The following BCAS3 variants were observed in gnomAD, a reference collection of about 807,000 sequenced individuals.
The protein encoded by BCAS3 is BCAS4/BCAS3 fusion.
Under a neutral mutation model 116.1 loss-of-function variants are expected in BCAS3, and 53 were observed. The observed-to-expected ratio is 0.46, with a 90% CI of 0.37 to 0.57. The LOEUF is 0.57. BCAS3 is among the 20% of genes least tolerant of loss of function. The probability of loss-of-function intolerance (pLI) is 0.00; values close to 1 mark genes in which losing one functional copy is unlikely to be tolerated. For missense variants in BCAS3, 917 were observed against 1,165.4 expected (o/e 0.79, Z 3.10); for synonymous variants, 391 against 408.2 (o/e 0.96, Z 0.51).
intron 22 of BCAS3, among the ~76,000 whole-genome samples, chr17:61,266,062 AT>A (rs1198197900): frequency 6.6e-6 from 1 of 152,216 alleles, no homozygotes; most frequent in Non-Finnish European, 1.5e-5. Flanking sequence ...AGGGTCAGTT[AT>A]TCCAAGGGGG....
At chr17:60,695,403 C>T (rs540428675) in intron 4 of BCAS3, among the ~76,000 whole-genome samples, 29 of 152,268 alleles carry the variant, frequency 1.9e-4, no homozygotes, top group Admixed American at 3.3e-4. Context: ...TGAGCCACCG[C>T]GCCCAGCCCT....
At chr17:61,052,767 G>A (rs1206482902) in intron 19 of BCAS3, among the ~76,000 whole-genome samples, 1 of 140,998 alleles carries the variant, frequency 7.1e-6, no homozygotes, top group Non-Finnish European at 1.5e-5. Context: ...TGCCCAGGCT[G>A]GAGTGTAGTG....
chr17:61,366,147 A>C lies in BCAS3; in HGVS notation c.2426-2180A>C, dbSNP rs1379123463. Among the ~76,000 whole-genome samples the C allele has an allele frequency of 6.6e-6, 1 of 152,102 alleles. No individual in the cohort carries two copies. The highest frequency in any genetic ancestry group is 1.5e-5 in the Non-Finnish European group (1 of 68,018). ...GACAGAGTGAGACTGTCTCAAAAAA[A>C]AAAAAAAAAGTTGAGCCAACAGGGA... On this transcript the variant is annotated intron_variant, in intron 22 of 23. Coordinates refer to ENST00000407086, the MANE Select transcript of BCAS3 (RefSeq NM_017679.5). This position sits in a 1 kb window ranked among gnomAD's most constrained non-coding sequence, Gnocchi z 4.5.
intron 6 of BCAS3, among the ~76,000 whole-genome samples, chr17:60,763,659 T>A (rs1363500328): frequency 6.6e-6 from 1 of 152,292 alleles, no homozygotes; most frequent in Non-Finnish European, 1.5e-5. Flanking sequence ...AAAATTCTCT[T>A]TTTTTGTTGT....
chr17:60,948,097 T>C (rs1231543686), intron 14 of BCAS3, among the ~76,000 whole-genome samples: 1 of 151,852 alleles, frequency 6.6e-6, no homozygotes, highest in African/African-American at 2.4e-5. Flanking sequence ...AATTTTTAAT[T>C]TTTATTTATT....
intron 4 of BCAS3, among the ~76,000 whole-genome samples, chr17:60,700,797 A>G (rs1215206111): frequency 1.3e-5 from 2 of 152,294 alleles, no homozygotes; most frequent in East Asian, 1.9e-4. Context: ...AAAATTATCT[A>G]TTGGATTGAA....
At chr17:60,836,075 A>C (rs540150780) in intron 7 of BCAS3, among the ~76,000 whole-genome samples, 2 of 152,284 alleles carry the variant, frequency 1.3e-5, no homozygotes, top group South Asian at 4.1e-4. Context: ...GAAGATACAG[A>C]AAGTTCCCAC....
intron 7 of BCAS3, among the ~76,000 whole-genome samples, chr17:60,855,452 ATT>A (rs565603643): frequency 1.3e-4 from 16 of 125,708 alleles, no homozygotes; most frequent in Admixed American, 1.6e-4. Context: ...CTATTTTTAA[ATT>A]TTTTTTTTTT....
chr17:61,294,919 A>G (rs1354941445), intron 22 of BCAS3, among the ~76,000 whole-genome samples: 1 of 152,206 alleles, frequency 6.6e-6, no homozygotes, highest in Non-Finnish European at 1.5e-5. Flanking sequence ...TGGTGCCTTC[A>G]GTATGACAGG....
chr17:61,039,149 C>T (rs909262108), intron 18 of BCAS3, among the ~76,000 whole-genome samples: 1 of 152,150 alleles, frequency 6.6e-6, no homozygotes, highest in African/African-American at 2.4e-5. Context: ...TACTTTCTTT[C>T]TCTATGGATT....
intron 22 of BCAS3, among the ~76,000 whole-genome samples, chr17:61,305,421 G>A (rs2053775835): frequency 1.3e-5 from 2 of 152,184 alleles, no homozygotes; most frequent in South Asian, 2.1e-4. Context: ...TGAAAGATTG[G>A]TCAGCCTGGG....
intron 15 of BCAS3, among the ~76,000 whole-genome samples, chr17:61,010,760 G>A (rs1017798304): frequency 6.6e-6 from 1 of 151,912 alleles, no homozygotes; most frequent in Non-Finnish European, 1.5e-5. Context: ...TGGAACTCGG[G>A]ATTTCTTTCC....
chr17:60,699,142 A>G (rs2036043899), intron 4 of BCAS3, among the ~76,000 whole-genome samples: 1 of 152,204 alleles, frequency 6.6e-6, no homozygotes, highest in African/African-American at 2.4e-5. Context: ...AACAGAATTG[A>G]TATGTCAGAT....
rs201007830 is a variant in BCAS3 at position 61,332,762 on chromosome 17, T to C, written c.2426-35565T>C. Among the ~76,000 whole-genome samples the C allele has an allele frequency of 2.7e-4, 41 of 152,228 alleles. No homozygotes were observed. The South Asian group carries it at 7.1e-3, about 26-fold the overall frequency. On this transcript the variant is annotated intron_variant, in intron 22 of 23. Transcript: ENST00000407086. The surrounding 1 kb of genome is among the most constrained non-coding windows in gnomAD (Gnocchi z 5.4). Reference sequence around the variant, plus strand: ...TCCTGAATAGCTGGGATTATAGGCGTCTGCCACCACGCCTGGCTAATTTTT... The same window carrying C: ...TCCTGAATAGCTGGGATTATAGGCGCCTGCCACCACGCCTGGCTAATTTTT...
chr17:61,010,270 C>T (rs1472655326), intron 15 of BCAS3, among the ~76,000 whole-genome samples: 1 of 151,826 alleles, frequency 6.6e-6, no homozygotes, highest in East Asian at 1.9e-4. Context: ...TCTGGGAAAA[C>T]ATAATTTAGG....
At position 61,130,608 on chromosome 17, in the gene BCAS3, C is replaced by T. The variant is rs1056435439; in HGVS notation, c.2425+46044C>T. The T allele has an allele frequency of 6.6e-6, 1 of 152,206 alleles. No homozygotes were observed. Among genetic ancestry groups the T allele is most frequent in the African/African-American group, 2.4e-5 (1 of 41,442 alleles). The allele number at this position is 152,206 out of a possible 1,614,324, so 9.4% of individuals were successfully genotyped here. A position where few individuals can be genotyped will look rare whatever the true frequency, so the allele number is the denominator to read the frequency against. On this transcript the variant is annotated intron_variant, in intron 22 of 23. Coordinates refer to ENST00000407086, the MANE Select transcript of BCAS3 (RefSeq NM_017679.5). This position sits in a 1 kb window ranked among gnomAD's most constrained non-coding sequence, Gnocchi z 5.0. ...ATCTTCAGTTGTATCCCATTTTACA[C>T]CAGGAAGTTCAAATGTTTGAATGGA...
rs1273609299 is a variant in BCAS3 at position 61,144,042 on chromosome 17, T to C, written c.2425+59478T>C. Reference sequence around the variant, plus strand: ...AAATTACATTTTAGGCAAGTAATGCTCAAATTTTCTATAAGTGTTCTGAAA... The same window carrying C: ...AAATTACATTTTAGGCAAGTAATGCCCAAATTTTCTATAAGTGTTCTGAAA... On this transcript the variant is annotated intron_variant, in intron 22 of 23. Coordinates refer to ENST00000407086, the MANE Select transcript of BCAS3 (RefSeq NM_017679.5). This position sits in a 1 kb window ranked among gnomAD's most constrained non-coding sequence, Gnocchi z 5.0. 6.6e-6 allele frequency among the ~76,000 whole-genome samples: 1 copy of C among 152,218 alleles called. No homozygotes were observed. The highest frequency in any genetic ancestry group is 1.9e-4 in the East Asian group (1 of 5,196).
At chr17:60,796,577 A>G (rs9907811) in intron 6 of BCAS3, among the ~76,000 whole-genome samples, 42,151 of 151,988 alleles carry the variant, frequency 0.28, 11,536 homozygotes, top group African/African-American at 0.72. Context: ...CTCCTGTTTC[A>G]TTTCCTAGTG....
chr17:61,035,003 A>ATTTTG (rs1463458475), intron 17 of BCAS3, among the ~76,000 whole-genome samples: 1 of 152,096 alleles, frequency 6.6e-6, no homozygotes, highest in African/African-American at 2.4e-5. Context: ...CCACTGAGTG[A>ATTTTG]TTTTGTTTTG....
Sources: gnomAD v4.1 joint callset for allele counts (sites outside exome capture counted in the v4.1 genomes callset) on GRCh38, gnomAD v4.1.1 for gene constraint, Gnocchi (gnomAD v3.1) non-coding constraint, MANE v1.5 for transcripts, NCBI Gene and HGNC (gene_info 2026-07-23, HGNC 2026-07-21) for gene names.